Variants in ARHGAP25 observed in about 807,000 individuals in gnomAD.
The protein encoded by ARHGAP25 is Rho GTPase activating protein 25.
ARHGAP25 carries 34 observed loss-of-function variants against 71.0 expected under a neutral mutation model. The observed-to-expected ratio is 0.48, with a 90% CI of 0.36 to 0.64. The LOEUF (loss-of-function observed/expected upper bound fraction) is 0.64, where lower values mean the gene tolerates loss of function less well. Among genes scored for constraint, ARHGAP25 ranks in the 30% least tolerant of loss-of-function variants. The probability of loss-of-function intolerance (pLI) is 0.00; values close to 1 mark genes in which losing one functional copy is unlikely to be tolerated. For missense variants in ARHGAP25, 706 were observed against 805.1 expected, an observed-to-expected ratio of 0.88 and a Z score of 1.49; for synonymous variants, 282 against 296.5, an observed-to-expected ratio of 0.95 and a Z score of 0.50.
At chr2:68,803,007 A>T (rs139840394) in intron 4 of ARHGAP25, among the ~76,000 whole-genome samples, 1,899 of 145,844 alleles carry the variant, frequency 0.013, 22 homozygotes, top group Non-Finnish European at 0.019. Context: ...ATACATACAT[A>T]TATATATATA....
At position 68,735,037 on chromosome 2, in the gene ARHGAP25, A is replaced by T; in HGVS notation, c.-163A>T. On this transcript the variant is annotated 5_prime_UTR_variant, in exon 1 of 11. Transcript: ENST00000409202. ...CCTTTCATCTAAGAGAAAGGAGGAG[A>T]CACGTTGGCAAATCAGCCTCAAGCC... is the stretch of plus-strand genomic sequence containing the variant. 1 of 670,738 alleles carries T rather than the reference A, an allele frequency of 1.5e-6. No individual in the cohort carries two copies. Among genetic ancestry groups the T allele is most frequent in the Non-Finnish European group, 2.7e-6 (1 of 372,488 alleles). The allele number at this position is 670,738 out of a possible 1,614,324, so 41.5% of individuals were successfully genotyped here.
chr2:68,821,092 C>CTTTTTTTTT (rs34119311), intron 9 of ARHGAP25, among the ~76,000 whole-genome samples: 178 of 99,374 alleles, frequency 1.8e-3, no homozygotes, highest in East Asian at 5.0e-3. Context: ...CTTTTTCTTT[C>CTTTTTTTTT]TTTTTTTTTT....
chr2:68,810,731 C>CTTT lies in ARHGAP25; in HGVS notation c.675-2537_675-2535dup, dbSNP rs539849992. ...GATCCAATTTCTTTTCTTTTCTTCT[C>CTTT]TTTTTTTTTTTTTTTTTTTTTGAGA... is the stretch of plus-strand genomic sequence containing the variant. On this transcript the variant is annotated intron_variant, in intron 5 of 10. Coordinates refer to ENST00000409202, the MANE Select transcript of ARHGAP25 (RefSeq NM_001007231.3). Among the ~76,000 whole-genome samples the CTTT allele has an allele frequency of 4.7e-3, 346 of 74,198 alleles. 8 individuals carry two copies. The highest frequency in any genetic ancestry group is 6.2e-3 in the Non-Finnish European group (247 of 39,796). 48.7% of individuals were successfully genotyped at this position (74,198 alleles called of 152,430 possible).
In ARHGAP25 at chr2:68,778,185, CA is replaced by C. The variant is rs1270528521; in HGVS notation, c.261+2766del. Among the ~76,000 whole-genome samples the C allele has an allele frequency of 1.1e-4, 17 of 152,168 alleles. No homozygotes were observed. In the South Asian group the frequency reaches 2.3e-3, roughly 20 times the overall value. The stretch of plus-strand genomic sequence containing the variant: ...ATATTAGTGATATGACAACAATGCC[CA>C]GTGGTAGGGGCTAACTTATATTAGG... On this transcript the variant is annotated intron_variant, in intron 2 of 10. Transcript: ENST00000409202.
intron 2 of ARHGAP25, among the ~76,000 whole-genome samples, chr2:68,781,104 TG>T (rs1678302012): frequency 6.6e-6 from 1 of 152,060 alleles, no homozygotes; most frequent in African/African-American, 2.4e-5. Context: ...TTATCTCAAG[TG>T]GGCCAGGCAC....
chr2:68,726,139 G>T (rs781525799), intron 2 of ARHGAP25, among the ~76,000 whole-genome samples: 7 of 152,096 alleles, frequency 4.6e-5, no homozygotes, highest in African/African-American at 1.4e-4. Flanking sequence ...ATTAGAACAA[G>T]CTCCACAAAA....
At chr2:68,777,520 T>C (rs1558630597) in intron 2 of ARHGAP25, among the ~76,000 whole-genome samples, 1 of 152,206 alleles carries the variant, frequency 6.6e-6, no homozygotes, top group Non-Finnish European at 1.5e-5. Flanking sequence ...TCCTTACTTC[T>C]GGGAGGAAGA....
At chr2:68,763,315 C>A (rs567314705) in intron 1 of ARHGAP25, among the ~76,000 whole-genome samples, 2 of 152,302 alleles carry the variant, frequency 1.3e-5, no homozygotes, top group South Asian at 4.1e-4. Context: ...GTGTCATTTT[C>A]TGTTTCTTTG....
chr2:68,816,185 T>C (rs1339327490), intron 6 of ARHGAP25, 104 bp from the exon 7 acceptor site: 1 of 927,708 alleles, frequency 1.1e-6, no homozygotes. Context: ...TGCCAAAGTG[T>C]TGTTTCTGCA....
intron 5 of ARHGAP25, among the ~76,000 whole-genome samples, chr2:68,810,161 G>T (rs1047455861): frequency 6.6e-5 from 10 of 151,356 alleles, no homozygotes; most frequent in African/African-American, 2.2e-4. Flanking sequence ...TCATTTAAGG[G>T]TGCTCTATTG....
chr2:68,766,836 C>A lies in ARHGAP25; in HGVS notation c.62-8385C>A, dbSNP rs72830907. Among the ~76,000 whole-genome samples the A allele has an allele frequency of 1.9e-3, 284 of 152,224 alleles. 2 individuals are homozygous for A. Among genetic ancestry groups the A allele is most frequent in the Non-Finnish European group, 3.0e-3 (206 of 68,020 alleles). ...TCTCTCTCACACACACAGATAATTT[C>A]TCTCCCTCTGTCTCATATTGCTACC... On this transcript the variant is annotated intron_variant, in intron 1 of 10. Transcript: ENST00000409202.
chr2:68,758,397 T>A (rs1239646997), intron 1 of ARHGAP25, among the ~76,000 whole-genome samples: 1 of 151,690 alleles, frequency 6.6e-6, no homozygotes, highest in Non-Finnish European at 1.5e-5. Context: ...ACAAATAGAT[T>A]GAAAGTGAAG....
intron 2 of ARHGAP25, among the ~76,000 whole-genome samples, chr2:68,726,045 C>T (rs564034219): frequency 7.2e-5 from 11 of 152,342 alleles, no homozygotes; most frequent in African/African-American, 2.4e-4. Context: ...CTTCCCGTAG[C>T]ACTTTTTCTT....
intron 1 of ARHGAP25, among the ~76,000 whole-genome samples, chr2:68,755,657 TC>T (rs1375501437): frequency 4.7e-5 from 7 of 149,290 alleles, no homozygotes; most frequent in Non-Finnish European, 1.0e-4. Flanking sequence ...CATGCTTTTT[TC>T]TTGAGTCTGA....
intron 1 of ARHGAP25, among the ~76,000 whole-genome samples, chr2:68,745,046 G>C (rs991025424): frequency 6.6e-6 from 1 of 152,236 alleles, no homozygotes; most frequent in Non-Finnish European, 1.5e-5. Context: ...CCTGAATGTA[G>C]TAGGCAGTCT....
chr2:68,799,845 T>C (rs765761633), intron 4 of ARHGAP25, among the ~76,000 whole-genome samples: 5 of 152,168 alleles, frequency 3.3e-5, no homozygotes, highest in African/African-American at 7.2e-5. Flanking sequence ...TGTGCTGATC[T>C]GGAAGTGAGA....
chr2:68,752,765 C>T (rs1676251101), intron 1 of ARHGAP25, among the ~76,000 whole-genome samples: 1 of 152,106 alleles, frequency 6.6e-6, no homozygotes, highest in South Asian at 2.1e-4. Flanking sequence ...TCTACTCTTC[C>T]TGAGCCATGA....
chr2:68,790,271 T>G (rs1679076767), intron 4 of ARHGAP25, among the ~76,000 whole-genome samples: 1 of 152,210 alleles, frequency 6.6e-6, no homozygotes, highest in African/African-American at 2.4e-5. Flanking sequence ...ATTACAGGCA[T>G]GAGCCACCGT....
chr2:68,766,222 T>C (rs908776528), intron 1 of ARHGAP25, among the ~76,000 whole-genome samples: 1 of 152,236 alleles, frequency 6.6e-6, no homozygotes, highest in African/African-American at 2.4e-5. Flanking sequence ...ACTGCACTAA[T>C]TATCCTGCAG....
Sources: allele counts gnomAD v4.1 joint callset (sites outside exome capture counted in the v4.1 genomes callset), GRCh38; gene constraint gnomAD v4.1.1; transcripts MANE v1.5; gene names NCBI Gene and HGNC (gene_info 2026-07-23, HGNC 2026-07-21).